The following FYB1 variants were observed in gnomAD, a reference collection of about 807,000 sequenced individuals.
FYB1 encodes FYN-binding protein 1.
Under a neutral mutation model 94.1 loss-of-function variants are expected in FYB1, and 41 were observed. The ratio of observed to expected loss-of-function variants is 0.44; its 90% confidence interval spans 0.34 to 0.57. FYB1 has a LOEUF of 0.57. FYB1 is among the 20% of genes least tolerant of loss of function. FYB1 has a pLI of 0.02. For synonymous variants in FYB1, 367 were observed against 353.2 expected (o/e 1.04, Z -0.44); for missense variants, 1,050 against 976.8 (o/e 1.07, Z -1.00).
intron 1 of FYB1, among the ~76,000 whole-genome samples, chr5:39,215,677 A>T (rs904351186): frequency 6.6e-6 from 1 of 152,214 alleles, no homozygotes; most frequent in African/African-American, 2.4e-5. Context: ...CTACCAAAAG[A>T]GTGGCAGAAA....
At chr5:39,214,213 G>A (rs566929246) in intron 1 of FYB1, among the ~76,000 whole-genome samples, 69 of 152,242 alleles carry the variant, frequency 4.5e-4, no homozygotes, top group African/African-American at 1.7e-3. Flanking sequence ...CATTTGAATG[G>A]CTATAATTTA....
At chr5:39,155,080 G>A (rs1580408272) in intron 2 of FYB1, among the ~76,000 whole-genome samples, 1 of 152,002 alleles carries the variant, frequency 6.6e-6, no homozygotes, top group Non-Finnish European at 1.5e-5. Flanking sequence ...ATAACACAAC[G>A]AAGAAAGCCT....
intron 4 of FYB1, among the ~76,000 whole-genome samples, chr5:39,140,868 G>A (rs770952038): frequency 6.6e-6 from 1 of 152,180 alleles, no homozygotes; most frequent in Non-Finnish European, 1.5e-5. Context: ...AAGAATTTGT[G>A]CAAACACACA....
At chr5:39,108,298 A>G (rs894161180) in intron 17 of FYB1, 36 bp from the exon 18 acceptor site, 16 of 1,490,812 alleles carry the variant, frequency 1.1e-5, no homozygotes, top group Non-Finnish European at 1.5e-5. Context: ...TTTTAAAGAA[A>G]CTATGTTCTT....
At chr5:39,129,222 T>C (rs1740957002) in intron 10 of FYB1, among the ~76,000 whole-genome samples, 1 of 151,996 alleles carries the variant, frequency 6.6e-6, no homozygotes, top group Non-Finnish European at 1.5e-5. Context: ...AACACCCTTA[T>C]CAGTAAGTGG....
rs758971138 is a variant in FYB1 at position 39,202,685 on chromosome 5, G to A, written c.276C>T (p.Phe92=). The part of the protein sequence containing the change: ...FLKPTGAGQR[F]GTPASLTTRD... ...TGGTGGTCAAGCTGGCTGGTGTTCC[G>A]AATCTTTGGCCTGCTCCAGTGGGCT... Residue 92 remains phenylalanine (F), a synonymous_variant, in exon 2 of 19, where the codon TTC becomes TTT. Coordinates refer to ENST00000512982, the MANE Select transcript of FYB1 (RefSeq NM_001465.6). 5.6e-6 allele frequency: 9 copies of A among 1,613,742 alleles called. No homozygotes were observed. The highest frequency in any genetic ancestry group is 5.3e-5 in the African/African-American group (4 of 74,888).
At chr5:39,113,385 T>C (rs1221603707) in intron 16 of FYB1, among the ~76,000 whole-genome samples, 11 of 152,156 alleles carry the variant, frequency 7.2e-5, no homozygotes, top group Admixed American at 7.2e-4. Flanking sequence ...ACATACAATA[T>C]GAAATTATTA....
chr5:39,206,558 A>T (rs1445677396), intron 1 of FYB1, among the ~76,000 whole-genome samples: 2 of 152,232 alleles, frequency 1.3e-5, no homozygotes, highest in African/African-American at 2.4e-5. Context: ...TAGAGTGGAA[A>T]GTAAGCCTTC....
chr5:39,152,011 T>G (rs978771206), intron 3 of FYB1, among the ~76,000 whole-genome samples: 1 of 152,226 alleles, frequency 6.6e-6, no homozygotes, highest in Non-Finnish European at 1.5e-5. Context: ...GAAAATTTTC[T>G]AACCCAGAGA....
At chr5:39,253,733 T>C (rs1751826652) in intron 1 of FYB1, among the ~76,000 whole-genome samples, 1 of 152,222 alleles carries the variant, frequency 6.6e-6, no homozygotes, top group South Asian at 2.1e-4. Context: ...TGTATAGGAT[T>C]GTTACATAGG....
rs555564266 is a variant in FYB1, at chr5:39,154,096, T to C, written c.1136-492A>G. ...CCACTATGCCCGGCCTTATTCATCC[T>C]TTACATCAATAAGATGTATTACATA... On this transcript the variant is annotated intron_variant, in intron 2 of 18. Coordinates refer to ENST00000512982, the MANE Select transcript of FYB1 (RefSeq NM_001465.6). 7.7e-4 allele frequency among the ~76,000 whole-genome samples: 118 copies of C among 152,324 alleles called. 1 individual carries two copies. Among genetic ancestry groups the C allele is most frequent in the Non-Finnish European group, 1.3e-3 (88 of 68,028 alleles).
chr5:39,138,099 AGAATTGGTTG>A (rs1401868767), intron 6 of FYB1: 1 of 207,370 alleles, frequency 4.8e-6, no homozygotes, highest in Non-Finnish European at 9.7e-6. Context: ...AACTTGAGTC[AGAATTGGTTG>A]AATAAACACT....
At chr5:39,146,201 C>T (rs1742644231) in intron 3 of FYB1, among the ~76,000 whole-genome samples, 1 of 152,160 alleles carries the variant, frequency 6.6e-6, no homozygotes, top group African/African-American at 2.4e-5. Flanking sequence ...AGGCGTGAGA[C>T]ACTGCACCTG....
chr5:39,109,177 G>T (rs543309740), intron 17 of FYB1, among the ~76,000 whole-genome samples: 1 of 152,100 alleles, frequency 6.6e-6, no homozygotes, highest in East Asian at 1.9e-4. Flanking sequence ...CCTTCAAACT[G>T]CTGCCAACTA....
At chr5:39,232,977 T>C (rs1035527685) in intron 1 of FYB1, among the ~76,000 whole-genome samples, 7 of 152,104 alleles carry the variant, frequency 4.6e-5, no homozygotes, top group Non-Finnish European at 4.4e-5. Context: ...TTGTTGGACA[T>C]GTGGGTTGGT....
intron 16 of FYB1, among the ~76,000 whole-genome samples, chr5:39,113,187 A>T (rs112090773): frequency 8.6e-6 from 1 of 116,610 alleles, no homozygotes; most frequent in Non-Finnish European, 1.8e-5. Flanking sequence ...AAATACATAT[A>T]TTTTTTGCGG....
intron 1 of FYB1, among the ~76,000 whole-genome samples, chr5:39,237,092 G>A (rs1347416172): frequency 6.6e-6 from 1 of 152,108 alleles, no homozygotes; most frequent in Non-Finnish European, 1.5e-5. Context: ...TAACAAGTAA[G>A]TTGGGCCCAA....
intron 13 of FYB1, among the ~76,000 whole-genome samples, chr5:39,123,161 A>G (rs563276013): frequency 1.3e-5 from 2 of 152,306 alleles, no homozygotes; most frequent in South Asian, 4.1e-4. Context: ...GAAATTGCAA[A>G]TATTTTAAGG....
At chr5:39,247,679 A>G (rs889899927) in intron 1 of FYB1, among the ~76,000 whole-genome samples, 5 of 152,058 alleles carry the variant, frequency 3.3e-5, no homozygotes, top group African/African-American at 1.2e-4. Context: ...TTATATGTCA[A>G]TTGTGACATT....
Sources: gnomAD v4.1 joint callset for allele counts (sites outside exome capture counted in the v4.1 genomes callset) on GRCh38, gnomAD v4.1.1 for gene constraint, MANE v1.5 for transcripts, NCBI Gene and HGNC (gene_info 2026-07-23, HGNC 2026-07-21) for gene names.